SLC4A8: variants seen among roughly 807,000 people sequenced by gnomAD.
SLC4A8 encodes solute carrier family 4 member 8.
A neutral mutation model predicts 125.0 loss-of-function variants in SLC4A8; 40 were observed. The ratio of observed to expected loss-of-function variants is 0.32; its 90% CI spans 0.25 to 0.42. The LOEUF (loss-of-function observed/expected upper bound fraction) is 0.42, where lower values mean the gene tolerates loss of function less well. Ranked by LOEUF, SLC4A8 falls within the 10% of genes least tolerant of loss-of-function variation. The probability of loss-of-function intolerance (pLI) is 1.00; values close to 1 mark genes in which losing one functional copy is unlikely to be tolerated. For synonymous variants in SLC4A8, 456 were observed against 476.0 expected, an observed-to-expected ratio of 0.96 and a Z score of 0.55; for missense variants, 863 against 1,355.1, an observed-to-expected ratio of 0.64 and a Z score of 5.70.
intron 1 of SLC4A8, among the ~76,000 whole-genome samples, chr12:51,426,101 G>GA (rs1948966185): frequency 6.6e-6 from 1 of 152,160 alleles, no homozygotes; most frequent in African/African-American, 2.4e-5. Context: ...GGAAACAAGT[G>GA]CCATGTTGAC....
At position 51,400,819 on chromosome 12, in the gene SLC4A8, TTTATATAC is replaced by T. The variant is rs1427002619; in HGVS notation, c.-112+9332_-112+9339del. Reference sequence around the variant, plus strand: ...ACACACACATATATAAACATATATGTTTATATACGTATATAAACATATATGTTTATATA... The same window carrying T: ...ACACACACATATATAAACATATATGTGTATATAAACATATATGTTTATATA... On this transcript the variant is annotated intron_variant, in intron 1 of 24. Coordinates refer to the SLC4A8 transcript ENST00000358657. Among the ~76,000 whole-genome samples the T allele has an allele frequency of 2.8e-3, 354 of 125,030 alleles. 10 individuals are homozygous for T. Among genetic ancestry groups the T allele is most frequent in the African/African-American group, 0.011 (332 of 30,742 alleles). The allele number at this position is 125,030 out of a possible 152,430, so 82.0% of individuals were successfully genotyped here.
chr12:51,468,558 G>A (rs1950592446), intron 11 of SLC4A8, among the ~76,000 whole-genome samples: 1 of 152,200 alleles, frequency 6.6e-6, no homozygotes, highest in South Asian at 2.1e-4. Flanking sequence ...AGGAGGTCGA[G>A]ACCATCCTGG....
intron 21 of SLC4A8, among the ~76,000 whole-genome samples, chr12:51,496,786 C>T (rs1565821624): frequency 6.6e-6 from 1 of 152,162 alleles, no homozygotes; most frequent in African/African-American, 2.4e-5. Context: ...AGTTGTAGAG[C>T]TGTTATGATA....
chr12:51,498,200 A>T (rs1190742419), intron 22 of SLC4A8, among the ~76,000 whole-genome samples: 1 of 152,186 alleles, frequency 6.6e-6, no homozygotes, highest in African/African-American at 2.4e-5. Flanking sequence ...ATAAAATGTG[A>T]TGCTTTCAGG....
intron 1 of SLC4A8, among the ~76,000 whole-genome samples, chr12:51,396,747 A>G (rs7314119): frequency 0.91 from 137,613 of 151,004 alleles, 62,859 homozygotes; most frequent in Non-Finnish European, 0.94. Context: ...AGAAAAATAT[A>G]TACCCTCATA....
At chr12:51,438,756 G>C (rs375002277) in intron 1 of SLC4A8, among the ~76,000 whole-genome samples, 25 of 152,150 alleles carry the variant, frequency 1.6e-4, no homozygotes, top group African/African-American at 5.3e-4. Context: ...AGTGTATAAG[G>C]GTTCTTTCTT....
rs368503458 is a variant in SLC4A8 at position 51,450,395 on chromosome 12, A to G, written c.131-481A>G. ...GATGAGTCACAGAGAGATTAGATAA[A>G]TTGTTCAAGGTCACATGGCAAGTGA... On this transcript the variant is annotated intron_variant, in intron 2 of 24. Transcript: ENST00000453097. Among the ~76,000 whole-genome samples, 7 of 152,296 alleles carry G rather than the reference A, an allele frequency of 4.6e-5. No homozygotes were observed. In the East Asian group the frequency reaches 9.7e-4, roughly 21 times the overall value.
At chr12:51,461,355 C>T (rs753845927) in intron 9 of SLC4A8, 64 bp downstream of exon 9, 3 of 938,290 alleles carry the variant, frequency 3.2e-6, no homozygotes, top group African/African-American at 1.6e-5. Context: ...TACTCTGTGC[C>T]AGGCAATATG....
chr12:51,495,195 T>C, intron 21 of SLC4A8, 77 bp downstream of exon 21: 1 of 1,292,862 alleles, frequency 7.7e-7, no homozygotes, highest in Non-Finnish European at 1.1e-6. Flanking sequence ...CTTTAAAATT[T>C]ACCATTTTTA....
chr12:51,439,433 G>A (rs966873515), intron 1 of SLC4A8, among the ~76,000 whole-genome samples: 6 of 152,048 alleles, frequency 3.9e-5, no homozygotes, highest in African/African-American at 9.7e-5. Context: ...TTTGGAAGTC[G>A]GAGTGGGTAA....
intron 2 of SLC4A8, among the ~76,000 whole-genome samples, chr12:51,441,345 T>C (rs920968415): frequency 7.9e-5 from 12 of 152,188 alleles, no homozygotes; most frequent in Non-Finnish European, 1.8e-4. Flanking sequence ...AAAGCCCAGC[T>C]GAAGGGGAAA....
rs1263412352 is a variant in SLC4A8 at position 51,475,219 on chromosome 12, T to C, written c.2172+13T>C. On this transcript the variant is annotated intron_variant, in intron 16 of 24. Coordinates refer to ENST00000453097, the MANE Select transcript of SLC4A8 (RefSeq NM_001039960.3). ...TTTCCCAACCAGAGTAGGTAGCATG[T>C]TCATGCATTTCTTTCACGTTAGAAT... The C allele has an allele frequency of 4.3e-6, 7 of 1,612,428 alleles. No homozygotes were observed. In the African/African-American group the frequency reaches 6.7e-5, roughly 15 times the overall value.
At chr12:51,454,376 TATAGAGAAAGAA>T (rs1950066776) in intron 5 of SLC4A8, among the ~76,000 whole-genome samples, 1 of 149,250 alleles carries the variant, frequency 6.7e-6, no homozygotes, top group Non-Finnish European at 1.5e-5. Context: ...AGAGACAAAG[TATAGAGAAAGAA>T]ATAAGGGGAC....
At position 51,512,226 on chromosome 12, in the gene SLC4A8, A is replaced by G. The variant is rs1461632063; in HGVS notation, c.*4788A>G. The G allele has an allele frequency of 6.6e-6, 1 of 152,200 alleles. No homozygotes were observed. The highest frequency in any genetic ancestry group is 6.5e-5 in the Admixed American group (1 of 15,280). The allele number at this position is 152,200 out of a possible 1,614,324, so 9.4% of individuals were successfully genotyped here. A position where few individuals can be genotyped will look rare whatever the true frequency, so the allele number is the denominator to read the frequency against. ...CACACATTATCACTGTACAGCATTA[A>G]CAAGGCTGGAATATGGCCCTCTGCT... On this transcript the variant is annotated 3_prime_UTR_variant, in exon 25 of 25. Transcript: ENST00000453097.
intron 14 of SLC4A8, 92 bp from the exon 15 acceptor site, chr12:51,474,250 G>C (rs1048949002): frequency 2.6e-6 from 2 of 757,600 alleles, no homozygotes; most frequent in Non-Finnish European, 4.3e-6. Flanking sequence ...CAGCAAGGCA[G>C]CTCCTGACAG....
chr12:51,407,618 G>A (rs913345701), intron 1 of SLC4A8, among the ~76,000 whole-genome samples: 4 of 152,060 alleles, frequency 2.6e-5, no homozygotes, highest in East Asian at 1.9e-4. Flanking sequence ...AAACCATAGC[G>A]GGGTGTGTCT....
chr12:51,403,397 T>C (rs966508807), intron 1 of SLC4A8: 7 of 373,000 alleles, frequency 1.9e-5, no homozygotes, highest in Admixed American at 1.2e-4. Context: ...GGCTGAATCA[T>C]GAAATTTGGC....
chr12:51,470,450 C>A lies in SLC4A8; in HGVS notation c.1583C>A (p.Ala528Glu). The A allele has an allele frequency of 1.2e-6, 2 of 1,613,214 alleles. No homozygotes were observed. Among genetic ancestry groups the A allele is most frequent in the South Asian group, 1.1e-5 (1 of 91,026 alleles). The change falls in exon 13 of 25, where the codon GCG becomes GAG. Residue 528 changes from alanine to glutamate, a missense_variant. Ala to Glu is a moderately radical substitution (Grantham distance 107, BLOSUM62 -1). This residue lies in a region of SLC4A8 where 390 missense variants were observed against 634.4 expected (regional missense o/e 0.61). Transcript: ENST00000453097. ...ACTGGGATTGCTTATTCCTTGTTTG[C>A]GGGACAGGCTCTCACCATCCTGGGA... Reference protein sequence around the residue: ...SMTGIAYSLFAGQALTILGST... With the variant: ...SMTGIAYSLFEGQALTILGST...
At chr12:51,491,156 T>TA (rs1951307026) in intron 19 of SLC4A8, among the ~76,000 whole-genome samples, 1 of 152,088 alleles carries the variant, frequency 6.6e-6, no homozygotes, top group South Asian at 2.1e-4. Flanking sequence ...GGGGTGGGGC[T>TA]GTGATCAGAT....
Sources: gnomAD v4.1 joint callset for allele counts (sites outside exome capture counted in the v4.1 genomes callset) on GRCh38, gnomAD v4.1.1 for gene constraint, gnomAD v4.1.1 regional missense constraint, MANE v1.5 for transcripts, NCBI Gene and HGNC (gene_info 2026-07-23, HGNC 2026-07-21) for gene names.